Variants in CDH10 observed in about 807,000 individuals in gnomAD.
The protein encoded by CDH10 is cadherin-10.
CDH10 carries 30 observed loss-of-function variants against 73.1 expected under a neutral mutation model. That is an observed-to-expected ratio of 0.41 (90% CI 0.31 to 0.56). The LOEUF (loss-of-function observed/expected upper bound fraction) is 0.56, where lower values mean the gene tolerates loss of function less well. Among genes scored for constraint, CDH10 ranks in the 20% least tolerant of loss-of-function variants. The pLI, the probability that CDH10 is intolerant of heterozygous loss-of-function variation, is 0.27. For synonymous variants in CDH10, 345 were observed against 348.2 expected (o/e 0.99, Z 0.10); for missense variants, 815 against 973.7 (o/e 0.84, Z 2.17).
At chr5:24,551,652 G>A (rs1161813088) in intron 2 of CDH10, among the ~76,000 whole-genome samples, 1 of 152,068 alleles carries the variant, frequency 6.6e-6, no homozygotes, top group Non-Finnish European at 1.5e-5. Context: ...GTGAACATGT[G>A]TGTGGTGTGA....
intron 11 of CDH10, 136 bp from the exon 12 acceptor site, chr5:24,488,289 C>CCCAA: frequency 1.3e-6 from 1 of 783,014 alleles, no homozygotes; most frequent in Non-Finnish European, 2.0e-6. Context: ...TTGTGCTTCC[C>CCCAA]ACAGTTTGGG....
intron 6 of CDH10, 63 bp from the exon 7 acceptor site, chr5:24,509,882 G>A: frequency 7.7e-7 from 1 of 1,294,672 alleles, no homozygotes; most frequent in Non-Finnish European, 1.1e-6. Flanking sequence ...CTCCCACCCA[G>A]TTACAGTATG....
chr5:24,586,840 A>ATTTTTTTTTTTTTTTTTTT (rs1746023448), intron 2 of CDH10, among the ~76,000 whole-genome samples: 2 of 100,608 alleles, frequency 2.0e-5, no homozygotes, highest in African/African-American at 1.0e-4. Context: ...GATAGCCCAT[A>ATTTTTTTTTTTTTTTTTTT]TTCTTTTTTT....
rs911542223 is a variant in CDH10, at chr5:24,585,226, T to C, written c.231+8034A>G. ...TCCAGTCTAGCTCAAAGCCATCTTA[T>C]TCTCATTTGCCCAGATTATTACAAC... On this transcript the variant is annotated intron_variant, in intron 2 of 11. Transcript: ENST00000264463. Among the ~76,000 whole-genome samples the C allele has an allele frequency of 7.9e-5, 12 of 152,146 alleles. No homozygotes were observed. In the East Asian group the frequency reaches 1.4e-3, roughly 17 times the overall value.
At chr5:24,598,750 C>T (rs28651943) in intron 1 of CDH10, among the ~76,000 whole-genome samples, 12,197 of 152,098 alleles carry the variant, frequency 0.08, 640 homozygotes, top group South Asian at 0.15. Flanking sequence ...CTGGTCCTTG[C>T]TATTCTTTTG....
chr5:24,626,365 T>A (rs899935082), intron 1 of CDH10, among the ~76,000 whole-genome samples: 12 of 152,138 alleles, frequency 7.9e-5, no homozygotes, highest in African/African-American at 2.9e-4. Context: ...AAATATATAG[T>A]ATGTCTTTAT....
At chr5:24,556,446 G>A (rs915377674) in intron 2 of CDH10, among the ~76,000 whole-genome samples, 1 of 151,930 alleles carries the variant, frequency 6.6e-6, no homozygotes, top group South Asian at 2.1e-4. Flanking sequence ...AAATGTAACT[G>A]TGAAGATTGT....
At chr5:24,612,443 C>A (rs2112147173) in intron 1 of CDH10, 1 of 152,260 alleles carries the variant, frequency 6.6e-6, no homozygotes, top group African/African-American at 2.4e-5. Flanking sequence ...AGATATACTT[C>A]TTTTCTGCAT....
At chr5:24,636,584 C>G (rs943371307) in intron 1 of CDH10, among the ~76,000 whole-genome samples, 2 of 151,642 alleles carry the variant, frequency 1.3e-5, no homozygotes, top group Non-Finnish European at 2.9e-5. Context: ...AGCTCCTGTT[C>G]GTAAAAATTT....
intron 2 of CDH10, among the ~76,000 whole-genome samples, chr5:24,563,595 T>TATAAAAAAAAAAA (rs1267665246): frequency 1.6e-4 from 2 of 12,348 alleles, no homozygotes; most frequent in Non-Finnish European, 3.8e-4. Context: ...CTACTAAAAA[T>TATAAAAAAAAAAA]ACAAAAAAAA....
chr5:24,508,052 C>T (rs1036077541), intron 7 of CDH10, among the ~76,000 whole-genome samples: 11 of 152,102 alleles, frequency 7.2e-5, no homozygotes, highest in East Asian at 3.9e-4. Context: ...TTCCTGCATG[C>T]GCTGTGGCAT....
chr5:24,588,240 T>C (rs1746087355), intron 2 of CDH10, among the ~76,000 whole-genome samples: 1 of 152,220 alleles, frequency 6.6e-6, no homozygotes, highest in Non-Finnish European at 1.5e-5. Context: ...AATTTCCTAA[T>C]GCATTTATCT....
At chr5:24,629,801 T>C (rs1268785963) in intron 1 of CDH10, among the ~76,000 whole-genome samples, 1 of 152,144 alleles carries the variant, frequency 6.6e-6, no homozygotes, top group Non-Finnish European at 1.5e-5. Context: ...TCCCCAGCCA[T>C]GCAGAACTAT....
intron 6 of CDH10, 122 bp from the exon 7 acceptor site, chr5:24,509,941 T>TA (rs1561131262): frequency 8.0e-6 from 5 of 621,836 alleles, no homozygotes; most frequent in Non-Finnish European, 1.3e-5. Flanking sequence ...TAATTATAAA[T>TA]AAAAAAGACT....
At chr5:24,520,492 A>G (rs1743276052) in intron 5 of CDH10, among the ~76,000 whole-genome samples, 2 of 152,170 alleles carry the variant, frequency 1.3e-5, no homozygotes, top group Non-Finnish European at 2.9e-5. Flanking sequence ...ACATACACAT[A>G]CACCTCCCCA....
intron 2 of CDH10, chr5:24,578,603 T>C (rs1389642603): frequency 5.8e-6 from 1 of 173,406 alleles, no homozygotes; most frequent in Non-Finnish European, 1.3e-5. Flanking sequence ...ATTTAATAAG[T>C]GCTAAAAATG....
intron 7 of CDH10, among the ~76,000 whole-genome samples, chr5:24,508,399 C>A (rs1742774913): frequency 6.6e-6 from 1 of 152,086 alleles, no homozygotes; most frequent in South Asian, 2.1e-4. Flanking sequence ...CTAGAATGTT[C>A]TCATATTTTT....
intron 5 of CDH10, among the ~76,000 whole-genome samples, chr5:24,512,316 T>C (rs1270911758): frequency 9.2e-5 from 14 of 152,338 alleles, no homozygotes; most frequent in African/African-American, 2.6e-4. Context: ...CGTGTATTTT[T>C]TCATTGCGTA....
chr5:24,643,610 G>A (rs1748127143), intron 1 of CDH10, among the ~76,000 whole-genome samples: 1 of 151,986 alleles, frequency 6.6e-6, no homozygotes, highest in Non-Finnish European at 1.5e-5. Context: ...GATAATAGAA[G>A]CTTTCACTGG....
Sources: gnomAD v4.1 joint callset for allele counts (sites outside exome capture counted in the v4.1 genomes callset) on GRCh38, gnomAD v4.1.1 for gene constraint, MANE v1.5 for transcripts, NCBI Gene and HGNC (gene_info 2026-07-23, HGNC 2026-07-21) for gene names.